ATM: variants seen among roughly 807,000 people sequenced by gnomAD.
ATM encodes serine-protein kinase ATM.
A neutral mutation model predicts 387.0 loss-of-function variants in ATM; 308 were observed. The ratio of observed to expected loss-of-function variants is 0.80; its 90% CI spans 0.73 to 0.87. The LOEUF is 0.87. Among genes scored for constraint, ATM ranks in the 40% least tolerant of loss-of-function variants. ATM has a pLI of 0.00. For missense variants in ATM, 3,312 were observed against 3,560.9 expected (o/e 0.93, Z 1.78); for synonymous variants, 1,156 against 1,187.3 (o/e 0.97, Z 0.54).
At chr11:108,302,783 C>T (rs1225630560) in intron 35 of ATM, 70 bp from the exon 36 acceptor site, 3 of 1,394,020 alleles carry the variant, frequency 2.2e-6, no homozygotes, top group African/African-American at 2.9e-5. Flanking sequence ...TTGTTATACT[C>T]ATTTTGTGTA....
chr11:108,283,774 G>C (rs1400980509), intron 25 of ATM, among the ~76,000 whole-genome samples: 1 of 152,128 alleles, frequency 6.6e-6, no homozygotes, highest in Non-Finnish European at 1.5e-5. Flanking sequence ...TCAGTCCTCT[G>C]TATATACAGA....
chr11:108,252,168 T>C lies in ATM; in HGVS notation c.1802+137T>C, dbSNP rs1591528964. The C allele has an allele frequency of 7.6e-6, 6 of 788,322 alleles. No individual in the cohort carries two copies. In the East Asian group the frequency reaches 1.6e-4, roughly 22 times the overall value. The allele number at this position is 788,322 out of a possible 1,614,324, so 48.8% of individuals were successfully genotyped here. On this transcript the variant is annotated intron_variant, in intron 11 of 62. Transcript: ENST00000675843. ...AGATCTAACCTTAATTATTAAATAT[T>C]ATGTTTGTTTTTACAGTTATCTGTG...
intron 22 of ATM, among the ~76,000 whole-genome samples, chr11:108,278,222 G>T (rs2082048371): frequency 6.6e-6 from 1 of 152,132 alleles, no homozygotes; most frequent in Middle Eastern, 3.2e-3. Flanking sequence ...TAGATTTTGT[G>T]TCTAACTCCT....
intron 55 of ATM, chr11:108,335,374 T>C: frequency 9.1e-7 from 1 of 1,093,812 alleles, no homozygotes; most frequent in Middle Eastern, 2.9e-4. Flanking sequence ...TGAGGTTGCT[T>C]CTTATGAAAA....
chr11:108,280,823 G>A (rs2082190835), intron 23 of ATM, among the ~76,000 whole-genome samples, 172 bp from the exon 24 acceptor site: 1 of 152,134 alleles, frequency 6.6e-6, no homozygotes, highest in Non-Finnish European at 1.5e-5. Context: ...ATTTAGCAAA[G>A]GTATTGGTCC....
At chr11:108,357,299 C>T (rs899288131) in intron 61 of ATM, among the ~76,000 whole-genome samples, 20 of 152,174 alleles carry the variant, frequency 1.3e-4, no homozygotes, top group Admixed American at 6.5e-4. Context: ...GTCCTACGCC[C>T]ACGGAGTCTC....
chr11:108,279,174 C>T (rs763739297), intron 22 of ATM, among the ~76,000 whole-genome samples: 12 of 152,144 alleles, frequency 7.9e-5, no homozygotes, highest in Admixed American at 2.0e-4. Context: ...AATTGGTGTT[C>T]GGCCAGAGAA....
At chr11:108,259,755 A>G (rs189131078) in intron 16 of ATM, among the ~76,000 whole-genome samples, 39 of 152,314 alleles carry the variant, frequency 2.6e-4, no homozygotes, top group African/African-American at 8.7e-4. Context: ...TTCTTATTGT[A>G]GTATTTATTT....
At position 108,285,610 on chromosome 11, in the gene ATM, C is replaced by CT. The variant is rs533744772; in HGVS notation, c.3993+1149dup. Among the ~76,000 whole-genome samples the CT allele has an allele frequency of 6.3e-3, 904 of 144,492 alleles. 6 individuals carry two copies. The highest frequency in any genetic ancestry group is 8.9e-3 in the Non-Finnish European group (584 of 65,476). The allele number at this position is 144,492 out of a possible 152,430, so 94.8% of individuals were successfully genotyped here. ...CAATATTAGATAAACTTCAAGGGAC[C>CT]TTTTTTTTTTTTAGTTTCCTAGTTA... On this transcript the variant is annotated intron_variant, in intron 26 of 62. Coordinates refer to ENST00000675843, the MANE Select transcript of ATM (RefSeq NM_000051.4).
At chr11:108,244,533 T>G (rs2079734334) in intron 6 of ATM, among the ~76,000 whole-genome samples, 1 of 152,210 alleles carries the variant, frequency 6.6e-6, no homozygotes, top group South Asian at 2.1e-4. Flanking sequence ...TCAGTTTTGT[T>G]TATTTTTATA....
At chr11:108,298,261 G>A (rs947694562) in intron 33 of ATM, among the ~76,000 whole-genome samples, 4 of 152,150 alleles carry the variant, frequency 2.6e-5, no homozygotes, top group African/African-American at 9.7e-5. Context: ...AATAAGTAGT[G>A]TTTCACAGAT....
intron 61 of ATM, among the ~76,000 whole-genome samples, chr11:108,358,129 C>G (rs954117393): frequency 2.0e-5 from 3 of 151,130 alleles, no homozygotes; most frequent in Non-Finnish European, 2.9e-5. Flanking sequence ...AATCAAGGCT[C>G]GAGAACTATG....
At chr11:108,266,871 C>G (rs529194821) in intron 16 of ATM, among the ~76,000 whole-genome samples, 6 of 150,212 alleles carry the variant, frequency 4.0e-5, no homozygotes, top group Non-Finnish European at 7.4e-5. Flanking sequence ...TCTCAGCTCA[C>G]TGCAATCTCT....
chr11:108,325,424 C>A lies in ATM; in HGVS notation c.6687C>A (p.Val2229=), dbSNP rs1442555144. The A allele has an allele frequency of 5.6e-6, 9 of 1,613,678 alleles. No individual in the cohort carries two copies. Among genetic ancestry groups the A allele is most frequent in the Non-Finnish European group, 7.6e-6 (9 of 1,179,800 alleles). ...AGCCTATCATGGCTCTACGCACAGT[C>A]ATTTTGGAGATCCTGATGGAAAAGG... The part of the protein sequence containing the change: ...FQEPIMALRT[V]ILEILMEKEM... Residue 2229 remains valine (V), a synonymous_variant, in exon 46 of 63, where the codon GTC becomes GTA. Coordinates refer to ENST00000675843, the MANE Select transcript of ATM (RefSeq NM_000051.4).
intron 22 of ATM, among the ~76,000 whole-genome samples, chr11:108,275,584 T>A (rs1358987743): frequency 3.3e-5 from 5 of 152,210 alleles, no homozygotes. Flanking sequence ...CAGCATTTGC[T>A]TGTCTATAAA....
At chr11:108,347,579 T>G (rs1314678567) in intron 59 of ATM, among the ~76,000 whole-genome samples, 1 of 152,138 alleles carries the variant, frequency 6.6e-6, no homozygotes, top group African/African-American at 2.4e-5. Context: ...AGGTGTCTTT[T>G]GAGCCTGGTC....
intron 4 of ATM, among the ~76,000 whole-genome samples, chr11:108,232,248 TTTC>T (rs2079051522): frequency 6.6e-6 from 1 of 152,234 alleles, no homozygotes; most frequent in Admixed American, 6.5e-5. Flanking sequence ...ACGGCTTCCT[TTTC>T]TTTCAAATTT....
At chr11:108,229,472 A>G in intron 4 of ATM, 149 bp downstream of exon 4, 1 of 781,050 alleles carries the variant, frequency 1.3e-6, no homozygotes, top group Non-Finnish European at 2.0e-6. Context: ...AGTACATATA[A>G]TGATTTTTAT....
intron 5 of ATM, among the ~76,000 whole-genome samples, chr11:108,239,153 A>T (rs543408886): frequency 1.3e-5 from 2 of 152,266 alleles, no homozygotes; most frequent in East Asian, 1.9e-4. Flanking sequence ...GCCTTCATGG[A>T]TGGGATTAAT....
Sources: allele counts gnomAD v4.1 joint callset (sites outside exome capture counted in the v4.1 genomes callset), GRCh38; gene constraint gnomAD v4.1.1; transcripts MANE v1.5; gene names NCBI Gene and HGNC (gene_info 2026-07-23, HGNC 2026-07-21).